GPA33: variants seen among roughly 807,000 people sequenced by gnomAD.
GPA33 encodes cell surface A33 antigen.
Under a neutral mutation model 35.6 loss-of-function variants are expected in GPA33, and 27 were observed. The observed-to-expected ratio is 0.76, with a 90% confidence interval of 0.56 to 1.04. The LOEUF (loss-of-function observed/expected upper bound fraction) is 1.04. Among genes scored for constraint, GPA33 ranks in the 50% least tolerant of loss-of-function variants. The pLI is 0.00. For synonymous variants in GPA33, 176 were observed against 164.0 expected, an observed-to-expected ratio of 1.07 and a Z score of -0.56; for missense variants, 428 against 411.9, an observed-to-expected ratio of 1.04 and a Z score of -0.34.
chr1:167,062,675 C>CTTTT (rs1553243546), intron 4 of GPA33, among the ~76,000 whole-genome samples: 1 of 61,240 alleles, frequency 1.6e-5, no homozygotes, highest in Non-Finnish European at 3.6e-5. Flanking sequence ...TTTCAGTTTC[C>CTTTT]TGACTGAAAG....
chr1:167,059,587 G>A (rs998903649), intron 4 of GPA33, among the ~76,000 whole-genome samples: 6 of 149,836 alleles, frequency 4.0e-5, no homozygotes, highest in Admixed American at 3.3e-4. Flanking sequence ...CTTCACAACC[G>A]CCTCCCCTTA....
At chr1:167,082,651 C>T (rs902722098) in intron 1 of GPA33, among the ~76,000 whole-genome samples, 43 of 152,134 alleles carry the variant, frequency 2.8e-4, no homozygotes, top group African/African-American at 8.9e-4. Flanking sequence ...GCTTTGCTCA[C>T]GGCAAGTGTC....
chr1:167,085,569 T>C (rs916293342), intron 1 of GPA33, among the ~76,000 whole-genome samples: 5 of 152,176 alleles, frequency 3.3e-5, no homozygotes, highest in African/African-American at 1.2e-4. Context: ...CTCTGGTCCC[T>C]GGACCAGGAG....
At chr1:167,062,247 G>A (rs973466403) in intron 4 of GPA33, among the ~76,000 whole-genome samples, 19 of 150,796 alleles carry the variant, frequency 1.3e-4, no homozygotes, top group African/African-American at 3.2e-4. Flanking sequence ...GCAGGGTCTC[G>A]CTCTGTCACC....
chr1:167,054,984 ATCC>A lies in GPA33; in HGVS notation c.816_818del (p.Glu272del). 1 of 1,614,052 alleles carries A rather than the reference ATCC, an allele frequency of 6.2e-7. No individual in the cohort carries two copies. Among genetic ancestry groups the A allele is most frequent in the Non-Finnish European group, 8.5e-7 (1 of 1,180,008 alleles). On this transcript the variant is annotated inframe_deletion, in exon 6 of 7. Transcript: ENST00000367868. ...CCAGCCCAGACACTCACGGCCTTGC[ATCC>A]TCCTTGTCTTCAGTGTTGTCGTCCT...
chr1:167,056,069 TG>T (rs1200096692), intron 4 of GPA33, among the ~76,000 whole-genome samples: 1 of 152,256 alleles, frequency 6.6e-6, no homozygotes, highest in Admixed American at 6.5e-5. Flanking sequence ...GTTTGACACC[TG>T]GCTCTGCCAC....
At chr1:167,084,738 C>T (rs930691647) in intron 1 of GPA33, among the ~76,000 whole-genome samples, 5 of 152,286 alleles carry the variant, frequency 3.3e-5, no homozygotes, top group Admixed American at 6.5e-5. Flanking sequence ...CTTCCAATGC[C>T]GGTTAAGCCA....
At position 167,055,747 on chromosome 1, in the gene GPA33, G is replaced by C; in HGVS notation, c.674C>G (p.Thr225Arg). ...GCTCTTACGAGATCTGACGGCCACCGTGATGTTGCAGAACTGCGTCCCCTC... is the reference window on the plus strand; with the variant it reads ...GCTCTTACGAGATCTGACGGCCACCCTGATGTTGCAGAACTGCGTCCCCTC... Reference protein sequence around the residue: ...NEEGTQFCNITVAVRSPSMNV... With the variant: ...NEEGTQFCNIRVAVRSPSMNV... Residue 225 changes from threonine to arginine, a missense_variant, in exon 5 of 7, where the codon ACG (threonine) becomes AGG (arginine). Physicochemically the swap from Thr to Arg is moderately conservative, Grantham distance 71. Coordinates refer to ENST00000367868, the MANE Select transcript of GPA33 (RefSeq NM_005814.3). The C allele has an allele frequency of 6.2e-7, 1 of 1,614,008 alleles. No individual in the cohort carries two copies. The highest frequency in any genetic ancestry group is 8.5e-7 in the Non-Finnish European group (1 of 1,179,930).
rs775137256 is a variant in GPA33 at position 167,053,032 on chromosome 1, G to C, written c.*1302C>G. The stretch of plus-strand genomic sequence containing the variant: ...GGTGAGACCAGCCACTGGTCCATGA[G>C]ACCTAAGCAGCCCTAACGCTGCCTG... On this transcript the variant is annotated 3_prime_UTR_variant, in exon 7 of 7. Coordinates refer to ENST00000367868, the MANE Select transcript of GPA33 (RefSeq NM_005814.3). The C allele has an allele frequency of 2.6e-5, 4 of 152,178 alleles. No individual in the cohort carries two copies. Among genetic ancestry groups the C allele is most frequent in the Non-Finnish European group, 5.9e-5 (4 of 68,034 alleles). 9.4% of individuals were successfully genotyped at this position (152,178 alleles called of 1,614,324 possible). A position where few individuals can be genotyped will look rare whatever the true frequency, so the allele number is the denominator to read the frequency against.
At chr1:167,056,737 G>GCGAGTGTGA (rs1666292838) in intron 4 of GPA33, among the ~76,000 whole-genome samples, 22 of 2,104 alleles carry the variant, frequency 0.01, no homozygotes, top group Non-Finnish European at 0.017. Context: ...GATGTATGTG[G>GCGAGTGTGA]TGTGTGTGGT....
intron 1 of GPA33, among the ~76,000 whole-genome samples, chr1:167,075,209 A>G (rs1252469064): frequency 6.6e-6 from 1 of 152,112 alleles, no homozygotes; most frequent in African/African-American, 2.4e-5. Flanking sequence ...CCTGACATAC[A>G]TTGTTAAAAG....
In GPA33 at chr1:167,083,041, G is replaced by A. The variant is rs543088017; in HGVS notation, c.43+7204C>T. On this transcript the variant is annotated intron_variant, in intron 1 of 6. Transcript: ENST00000367868. ...GGCAAAACCTGAGTGCTGCCAACCC[G>A]GGGTGGCTTGAGGGGCAACTGAACT... Among the ~76,000 whole-genome samples, 9 of 152,246 alleles carry A rather than the reference G, an allele frequency of 5.9e-5. No individual in the cohort carries two copies. In the East Asian group the frequency reaches 9.7e-4, roughly 16 times the overall value.
Position 167,090,284 on chromosome 1 carries a change from C to T in GPA33, c.4G>A (p.Val2Met). Residue 2 changes from valine (V) to methionine (M), a missense_variant, in exon 1 of 7, where the codon GTG (valine) becomes ATG (methionine). Val to Met is a conservative substitution (Grantham distance 21). Transcript: ENST00000367868. ...CACAACACAGGCCACATCTTCCCCA[C>T]CATGGTCTTGCTTCTTCTCTGCCCT... is the stretch of plus-strand genomic sequence containing the variant. M[V>M]GKMWPVLWTL... 1 of 1,613,648 alleles carries T rather than the reference C, an allele frequency of 6.2e-7. No individual in the cohort carries two copies. The highest frequency in any genetic ancestry group is 8.5e-7 in the Non-Finnish European group (1 of 1,179,530).
At chr1:167,088,807 G>A (rs1051508200) in intron 1 of GPA33, among the ~76,000 whole-genome samples, 3 of 152,194 alleles carry the variant, frequency 2.0e-5, no homozygotes, top group African/African-American at 7.2e-5. Flanking sequence ...TGCAGGCATG[G>A]AGGAGCTTCT....
At position 167,053,301 on chromosome 1, in the gene GPA33, T is replaced by G. The variant is rs977338054; in HGVS notation, c.*1033A>C. The G allele has an allele frequency of 6.6e-6, 1 of 152,268 alleles. No homozygotes were observed. The highest frequency in any genetic ancestry group is 2.4e-5 in the African/African-American group (1 of 41,468). 9.4% of individuals were successfully genotyped at this position (152,268 alleles called of 1,614,324 possible). A position where few individuals can be genotyped will look rare whatever the true frequency, so the allele number is the denominator to read the frequency against. On this transcript the variant is annotated 3_prime_UTR_variant, in exon 7 of 7. Coordinates refer to ENST00000367868, the MANE Select transcript of GPA33 (RefSeq NM_005814.3). ...TGCAAGCAAGCTCCCTTGTGTGTGT[T>G]CACTTTAAATCAATTCGTGTTTAAC...
chr1:167,066,930 C>T (rs897507524), intron 3 of GPA33, among the ~76,000 whole-genome samples: 7 of 152,358 alleles, frequency 4.6e-5, no homozygotes, highest in African/African-American at 1.7e-4. Flanking sequence ...CTGGGAGCTT[C>T]ATGCTCGCCT....
chr1:167,058,718 T>C (rs1022906079), intron 4 of GPA33, among the ~76,000 whole-genome samples: 25 of 152,050 alleles, frequency 1.6e-4, no homozygotes, highest in Admixed American at 1.6e-3. Context: ...CATGTGATAT[T>C]AACATGCGGC....
At chr1:167,066,003 T>C (rs1220889158) in intron 3 of GPA33, among the ~76,000 whole-genome samples, 1 of 152,184 alleles carries the variant, frequency 6.6e-6, no homozygotes. Context: ...AGGATGGGCT[T>C]GCTGAGCCAA....
intron 4 of GPA33, among the ~76,000 whole-genome samples, chr1:167,056,775 TGGC>T (rs1558002071): frequency 9.1e-4 from 2 of 2,194 alleles, no homozygotes; most frequent in African/African-American, 3.5e-3. Flanking sequence ...GTGGTGTGTG[TGGC>T]ATGTGTAGTG....
Sources: gnomAD v4.1 joint callset for allele counts (sites outside exome capture counted in the v4.1 genomes callset) on GRCh38, gnomAD v4.1.1 for gene constraint, MANE v1.5 for transcripts, NCBI Gene and HGNC (gene_info 2026-07-23, HGNC 2026-07-21) for gene names.